KIF5B: variants seen among roughly 807,000 people sequenced by gnomAD.
KIF5B encodes the protein kinesin family member 5B.
KIF5B carries 49 observed loss-of-function variants against 132.8 expected under a neutral mutation model. The observed-to-expected ratio is 0.37, with a 90% CI of 0.29 to 0.47. The LOEUF is 0.47. Ranked by LOEUF, KIF5B falls within the 20% of genes least tolerant of loss-of-function variation. The probability of loss-of-function intolerance (pLI) is 1.00; values close to 1 mark genes in which losing one functional copy is unlikely to be tolerated. For synonymous variants in KIF5B, 355 were observed against 369.4 expected (o/e 0.96, Z 0.45); for missense variants, 780 against 1,144.0 (o/e 0.68, Z 4.59).
In KIF5B at chr10:32,018,166, G is replaced by A. The variant is rs1180786388; in HGVS notation, c.2440-10C>T. On this transcript the variant is annotated splice_polypyrimidine_tract_variant and intron_variant, in intron 22 of 25. Transcript: ENST00000302418. ...AATCAATCTCAGCACTCTGAGAAAA[G>A]AAGGTAAGTATTACAAAAAAATTAA... The A allele has an allele frequency of 6.4e-7, 1 of 1,567,856 alleles. No homozygotes were observed. Among genetic ancestry groups the A allele is most frequent in the Non-Finnish European group, 8.7e-7 (1 of 1,153,418 alleles).
intron 1 of KIF5B, among the ~76,000 whole-genome samples, chr10:32,052,357 A>T (rs1841704381): frequency 1.3e-5 from 2 of 152,210 alleles, no homozygotes; most frequent in East Asian, 1.9e-4. Context: ...TCAAACACCA[A>T]ATCATTCACT....
At chr10:32,016,731 G>A (rs1223497763) in intron 24 of KIF5B, among the ~76,000 whole-genome samples, 1 of 152,062 alleles carries the variant, frequency 6.6e-6, no homozygotes, top group African/African-American at 2.4e-5. Context: ...GTAGAGACAG[G>A]GTTTCACCAT....
At chr10:32,039,729 A>G (rs1841507393) in intron 3 of KIF5B, among the ~76,000 whole-genome samples, 1 of 152,210 alleles carries the variant, frequency 6.6e-6, no homozygotes, top group African/African-American at 2.4e-5. Flanking sequence ...GTTTCTTTCC[A>G]TATAATTCTA....
chr10:32,036,426 GT>G (rs1396550389), intron 8 of KIF5B, among the ~76,000 whole-genome samples: 2 of 147,866 alleles, frequency 1.4e-5, no homozygotes, highest in African/African-American at 4.9e-5. Context: ...ATGTTGTGGT[GT>G]TTTTTTTTTG....
At chr10:32,016,944 C>T (rs1841178493) in intron 24 of KIF5B, among the ~76,000 whole-genome samples, 199 bp downstream of exon 24, 2 of 152,180 alleles carry the variant, frequency 1.3e-5, no homozygotes, top group African/African-American at 4.8e-5. Context: ...CATGACCATT[C>T]TTGCTTGCTT....
chr10:32,036,194 A>G (rs942385904), intron 8 of KIF5B, among the ~76,000 whole-genome samples, 200 bp from the exon 9 acceptor site: 6 of 152,202 alleles, frequency 3.9e-5, no homozygotes, highest in African/African-American at 1.2e-4. Context: ...ATCAAATTTT[A>G]TCTGTAGTTT....
intron 11 of KIF5B, among the ~76,000 whole-genome samples, 179 bp downstream of exon 11, chr10:32,034,507 TCTTG>T (rs1841440130): frequency 3.3e-5 from 5 of 152,226 alleles, no homozygotes; most frequent in African/African-American, 1.2e-4. Flanking sequence ...ACTGATGGTC[TCTTG>T]CATTTTGCTC....
rs974907462 is a variant in KIF5B, at chr10:32,031,319, C to T, written c.1375-40G>A. 3.9e-6 allele frequency: 6 copies of T among 1,541,920 alleles called. No homozygotes were observed. The Admixed American group carries it at 8.7e-5, about 22-fold the overall frequency. ...ATAATTTATTTTCCCCAAAAGTATA[C>T]AGGTTTTAAAAAACACCCATGAAGC... On this transcript the variant is annotated intron_variant, in intron 13 of 25. Transcript: ENST00000302418.
At chr10:32,014,761 C>T (rs1841134942) in intron 25 of KIF5B, among the ~76,000 whole-genome samples, 1 of 152,172 alleles carries the variant, frequency 6.6e-6, no homozygotes, top group South Asian at 2.1e-4. Flanking sequence ...TAAAAATGTT[C>T]ATATTTCCTT....
chr10:32,019,900 T>C lies in KIF5B; in HGVS notation c.2264A>G (p.Lys755Arg). The change falls in exon 20 of 26, where the codon AAA becomes AGA. Residue 755 changes from lysine (K) to arginine (R), a missense_variant. Coordinates refer to ENST00000302418, the MANE Select transcript of KIF5B (RefSeq NM_004521.3). Reference sequence around the variant, plus strand: ...TCTGCTCTTTTCCTGATCTGTGGCTTTCAACTTCTCATGTTCTACTCTTAG... The same window carrying C: ...TCTGCTCTTTTCCTGATCTGTGGCTCTCAACTTCTCATGTTCTACTCTTAG... ...ERLRVEHEKL[K>R]ATDQEKSRKL... is the part of the protein sequence containing the mutation. 1.2e-6 allele frequency: 2 copies of C among 1,612,436 alleles called. No homozygotes were observed. The highest frequency in any genetic ancestry group is 1.7e-6 in the Non-Finnish European group (2 of 1,179,502).
chr10:32,018,140 G>GAATC lies in KIF5B; in HGVS notation c.2452_2455dup (p.Ser819Ter). On this transcript the variant is annotated stop_gained and frameshift_variant, in exon 23 of 26. Transcript: ENST00000302418. LOFTEE classifies it high-confidence loss of function. ...AGCAGCGCTGCCTCCGGTGTCATCA[G>GAATC]AATCAATCTCAGCACTCTGAGAAAA... 1 of 1,606,840 alleles carries GAATC rather than the reference G, an allele frequency of 6.2e-7. No homozygotes were observed. The highest frequency in any genetic ancestry group is 8.5e-7 in the Non-Finnish European group (1 of 1,176,012).
intron 6 of KIF5B, 67 bp from the exon 7 acceptor site, chr10:32,037,674 A>C: frequency 7.9e-7 from 1 of 1,259,136 alleles, no homozygotes; most frequent in Non-Finnish European, 1.1e-6. Flanking sequence ...CTCTAATAAA[A>C]ACACAAAAAT....
At chr10:32,031,522 A>C (rs969078099) in intron 13 of KIF5B, among the ~76,000 whole-genome samples, 2 of 152,192 alleles carry the variant, frequency 1.3e-5, no homozygotes, top group Admixed American at 1.3e-4. Context: ...GAAGATAGGC[A>C]CATGAATAAG....
rs1428538240 is a variant in KIF5B at position 32,020,654 on chromosome 10, C to A, written c.2204+368G>T. Among the ~76,000 whole-genome samples the A allele has an allele frequency of 3.9e-5, 6 of 152,224 alleles. No homozygotes were observed. In the East Asian group the frequency reaches 1.2e-3, roughly 29 times the overall value. On this transcript the variant is annotated intron_variant, in intron 19 of 25. Transcript: ENST00000302418. Reference sequence around the variant, plus strand: ...TGCCCAGCTGGTCTTGAACTCCTGACTTCTAGTGATCCTCCCACCCCAGCC... The same window carrying A: ...TGCCCAGCTGGTCTTGAACTCCTGAATTCTAGTGATCCTCCCACCCCAGCC...
At chr10:32,018,231 T>G in intron 22 of KIF5B, 75 bp from the exon 23 acceptor site, 2 of 1,452,390 alleles carry the variant, frequency 1.4e-6, no homozygotes, top group Non-Finnish European at 1.9e-6. Context: ...GACGTGACTG[T>G]AAAGTTATTT....
intron 25 of KIF5B, 50 bp downstream of exon 25, chr10:32,015,459 C>A: frequency 8.6e-6 from 12 of 1,390,064 alleles, no homozygotes; most frequent in Non-Finnish European, 1.2e-5. Context: ...ACCTATTTAA[C>A]AACCAATTTT....
intron 10 of KIF5B, 118 bp from the exon 11 acceptor site, chr10:32,034,956 C>T: frequency 2.9e-6 from 2 of 688,504 alleles, no homozygotes; most frequent in East Asian, 6.9e-5. Context: ...ATCTCTTAGA[C>T]TAAATACTAA....
chr10:32,047,578 G>A (rs1012852909), intron 2 of KIF5B, among the ~76,000 whole-genome samples: 1 of 152,054 alleles, frequency 6.6e-6, no homozygotes, highest in Non-Finnish European at 1.5e-5. Flanking sequence ...TTTGCTCCCT[G>A]TATTAGACAA....
chr10:32,040,008 GAC>G (rs1216023526), intron 3 of KIF5B, among the ~76,000 whole-genome samples: 1 of 152,172 alleles, frequency 6.6e-6, no homozygotes, highest in African/African-American at 2.4e-5. Context: ...AGAGAAGAGT[GAC>G]AGTTATTTTG....
Sources: allele counts gnomAD v4.1 joint callset (sites outside exome capture counted in the v4.1 genomes callset), GRCh38; gene constraint gnomAD v4.1.1; transcripts MANE v1.5; gene names NCBI Gene and HGNC (gene_info 2026-07-23, HGNC 2026-07-21).